Variants in PLCB1 observed in about 807,000 individuals in gnomAD.
PLCB1 encodes the protein 1-phosphatidylinositol 4,5-bisphosphate phosphodiesterase beta-1.
PLCB1 carries 46 observed loss-of-function variants against 161.8 expected under a neutral mutation model. That is an observed-to-expected ratio of 0.28 (90% confidence interval 0.22 to 0.36). The LOEUF (loss-of-function observed/expected upper bound fraction) is 0.36, where lower values mean the gene tolerates loss of function less well. Among genes scored for constraint, PLCB1 ranks in the 10% least tolerant of loss-of-function variants. PLCB1 has a pLI of 1.00. For synonymous variants in PLCB1, 517 were observed against 503.7 expected (o/e 1.03, Z -0.35); for missense variants, 1,016 against 1,472.5 (o/e 0.69, Z 5.07).
intron 23 of PLCB1, among the ~76,000 whole-genome samples, chr20:8,749,650 T>A (rs879832029): frequency 5.9e-5 from 9 of 152,184 alleles, no homozygotes; most frequent in Non-Finnish European, 1.2e-4. Flanking sequence ...GGAACTTTTT[T>A]ATATACATAT....
intron 4 of PLCB1, among the ~76,000 whole-genome samples, chr20:8,635,364 C>T (rs1274024104): frequency 2.6e-5 from 4 of 152,146 alleles, no homozygotes; most frequent in Non-Finnish European, 5.9e-5. Context: ...AGGTCACGTA[C>T]AATCTTAGAG....
intron 3 of PLCB1, among the ~76,000 whole-genome samples, chr20:8,441,621 A>G (rs1334481341): frequency 4.6e-5 from 7 of 152,200 alleles, no homozygotes; most frequent in Admixed American, 4.6e-4. Context: ...TGAATGAAAC[A>G]CTGTTTGCCT....
At chr20:8,791,832 C>T (rs1016128902) in intron 31 of PLCB1, among the ~76,000 whole-genome samples, 2 of 152,120 alleles carry the variant, frequency 1.3e-5, no homozygotes, top group African/African-American at 2.4e-5. Context: ...TGGAAGCACC[C>T]TTAAACTTCT....
intron 2 of PLCB1, among the ~76,000 whole-genome samples, chr20:8,368,528 CAAAAAAA>C (rs1216338206): frequency 2.2e-4 from 14 of 63,816 alleles, no homozygotes; most frequent in South Asian, 7.8e-4. Context: ...CTCTGTCTCT[CAAAAAAA>C]AAAAAAAAAA....
intron 4 of PLCB1, among the ~76,000 whole-genome samples, chr20:8,631,528 G>A (rs528164704): frequency 6.6e-6 from 1 of 152,226 alleles, no homozygotes; most frequent in East Asian, 1.9e-4. Context: ...AATACAATGG[G>A]GGAAGCACGT....
chr20:8,753,659 C>T (rs912304508), intron 23 of PLCB1, among the ~76,000 whole-genome samples: 12 of 152,120 alleles, frequency 7.9e-5, no homozygotes, highest in Admixed American at 4.6e-4. Flanking sequence ...AAACTCTGCT[C>T]CTCCTGGCAG....
intron 2 of PLCB1, among the ~76,000 whole-genome samples, chr20:8,188,814 T>C (rs2123105086): frequency 6.6e-6 from 1 of 152,258 alleles, no homozygotes; most frequent in Non-Finnish European, 1.5e-5. Flanking sequence ...TTTGAATATA[T>C]CAGGATATAG....
chr20:8,191,178 T>C (rs1191195236), intron 2 of PLCB1, among the ~76,000 whole-genome samples: 2 of 152,022 alleles, frequency 1.3e-5, no homozygotes, highest in Non-Finnish European at 2.9e-5. Flanking sequence ...TAGGTTTATA[T>C]ATTTATGGGG....
chr20:8,686,765 A>G (rs142816863), intron 10 of PLCB1, among the ~76,000 whole-genome samples: 192 of 152,174 alleles, frequency 1.3e-3, no homozygotes, highest in Non-Finnish European at 2.3e-3. Context: ...TGACCTATTA[A>G]TCTTTGAAAG....
chr20:8,217,800 A>G (rs1374482347), intron 2 of PLCB1, among the ~76,000 whole-genome samples: 2 of 152,006 alleles, frequency 1.3e-5, no homozygotes, highest in African/African-American at 4.8e-5. Flanking sequence ...CAGGAGTGGG[A>G]TAGTTATTGC....
chr20:8,725,477 C>G (rs1979885426), intron 16 of PLCB1, among the ~76,000 whole-genome samples: 1 of 152,086 alleles, frequency 6.6e-6, no homozygotes, highest in African/African-American at 2.4e-5. Flanking sequence ...AGCTTCTAAT[C>G]AAGGATGGCT....
chr20:8,212,617 G>A (rs936713353), intron 2 of PLCB1, among the ~76,000 whole-genome samples: 1 of 152,066 alleles, frequency 6.6e-6, no homozygotes, highest in Non-Finnish European at 1.5e-5. Flanking sequence ...GAAAACACAA[G>A]CCACGTAGGC....
At chr20:8,215,056 A>T (rs1322712522) in intron 2 of PLCB1, among the ~76,000 whole-genome samples, 4 of 152,082 alleles carry the variant, frequency 2.6e-5, no homozygotes, top group African/African-American at 4.8e-5. Context: ...CTTTTTCAGG[A>T]CAGAGTCTGA....
intron 31 of PLCB1, among the ~76,000 whole-genome samples, chr20:8,838,641 C>T (rs954423715): frequency 6.6e-6 from 1 of 152,176 alleles, no homozygotes; most frequent in Non-Finnish European, 1.5e-5. Context: ...CTAGGAAATT[C>T]GTAAACGAAA....
intron 3 of PLCB1, among the ~76,000 whole-genome samples, chr20:8,483,033 T>G (rs941801592): frequency 6.6e-5 from 10 of 152,140 alleles, no homozygotes; most frequent in African/African-American, 2.4e-4. Context: ...GACATTGTTC[T>G]CTCGATCGAT....
rs529999554 is a variant in PLCB1, at chr20:8,325,158, G to T, written c.178-46224G>T. Among the ~76,000 whole-genome samples, 7 of 152,298 alleles carry T rather than the reference G, an allele frequency of 4.6e-5. No homozygotes were observed. In the South Asian group the frequency reaches 1.5e-3, roughly 32 times the overall value. On this transcript the variant is annotated intron_variant, in intron 2 of 31. Transcript: ENST00000338037. ...CATTTCAGAGATGCTCTGCAATAAA[G>T]AAGTGACTGAAAACTATAGCACTGG...
At chr20:8,311,909 T>A (rs557329871) in intron 2 of PLCB1, among the ~76,000 whole-genome samples, 4 of 152,172 alleles carry the variant, frequency 2.6e-5, no homozygotes, top group East Asian at 1.9e-4. Context: ...CCTTGCATAA[T>A]GTCTACACAG....
intron 12 of PLCB1, among the ~76,000 whole-genome samples, chr20:8,709,909 C>T (rs1978900979): frequency 6.6e-6 from 1 of 152,146 alleles, no homozygotes; most frequent in African/African-American, 2.4e-5. Flanking sequence ...TCTGTTCTTA[C>T]TCAAAGGGGC....
intron 31 of PLCB1, among the ~76,000 whole-genome samples, chr20:8,836,870 G>T (rs1321610833): frequency 1.3e-5 from 2 of 152,122 alleles, no homozygotes; most frequent in Admixed American, 6.6e-5. Context: ...CCCTCGAGGA[G>T]ACCTTTATCT....
Sources: gnomAD v4.1 joint callset for allele counts (sites outside exome capture counted in the v4.1 genomes callset) on GRCh38, gnomAD v4.1.1 for gene constraint, MANE v1.5 for transcripts, NCBI Gene and HGNC (gene_info 2026-07-23, HGNC 2026-07-21) for gene names.